Variants in SPATA31F3 observed in about 807,000 individuals in gnomAD.
SPATA31F3 encodes the protein SPATA31 subfamily F member 3, also known as protein SPATA31F3.
chr9:34,893,032 C>A, the SPATA31F3 span: 1 of 946,818 alleles, frequency 1.1e-6, no homozygotes, highest in Non-Finnish European at 1.6e-6. Flanking sequence ...TCAGGGAGAT[C>A]TGGTTGTTCT....
the SPATA31F3 span, chr9:34,893,134 C>T: frequency 4.2e-6 from 3 of 719,740 alleles, no homozygotes; most frequent in Non-Finnish European, 6.3e-6. Context: ...CACTTCCTTC[C>T]TGAGGAAGCC....
chr9:34,889,465 CAT>C, the SPATA31F3 span: 6 of 398,544 alleles, frequency 1.5e-5, no homozygotes, highest in Non-Finnish European at 2.7e-5. Flanking sequence ...GCTCCCCACA[CAT>C]GATCTTTGGT....
the SPATA31F3 span, chr9:34,893,092 G>C: frequency 5.4e-6 from 5 of 926,282 alleles, no homozygotes; most frequent in East Asian, 1.3e-4. Flanking sequence ...TGCAGATTTG[G>C]CAGCAGGGGT....
At chr9:34,890,578 A>T in the SPATA31F3 span, among the ~76,000 whole-genome samples, 2 of 152,046 alleles carry the variant, frequency 1.3e-5, no homozygotes, top group African/African-American at 4.8e-5. Context: ...TTTCAGTCCA[A>T]CCCCTTCTGG....
the SPATA31F3 span, chr9:34,892,572 G>A: frequency 2.3e-6 from 1 of 430,126 alleles, no homozygotes; most frequent in Non-Finnish European, 4.1e-6. Context: ...AGTTGGAAAG[G>A]AATGTAGGGT....
the SPATA31F3 span, among the ~76,000 whole-genome samples, chr9:34,891,518 A>G: frequency 6.6e-6 from 1 of 152,178 alleles, no homozygotes; most frequent in Non-Finnish European, 1.5e-5. Flanking sequence ...GAAGACCCAC[A>G]TAGGTCAGGG....
chr9:34,892,999 G>A, the SPATA31F3 span: 4 of 776,440 alleles, frequency 5.2e-6, no homozygotes, highest in African/African-American at 5.1e-5. Context: ...GGCAAGAGGA[G>A]CCCTGTGATG....
the SPATA31F3 span, among the ~76,000 whole-genome samples, chr9:34,893,991 T>A: frequency 6.6e-6 from 1 of 152,148 alleles, no homozygotes; most frequent in Non-Finnish European, 1.5e-5. Context: ...GAGGATAAGA[T>A]GATAGGCTGC....
the SPATA31F3 span, chr9:34,892,886 G>A: frequency 1.4e-6 from 1 of 700,066 alleles, no homozygotes; most frequent in Non-Finnish European, 2.6e-6. Context: ...CATTAATTGT[G>A]ACAGTGTTGG....
At chr9:34,895,571 T>A in the SPATA31F3 span, 1 of 398,692 alleles carries the variant, frequency 2.5e-6, no homozygotes, top group Non-Finnish European at 4.4e-6. Context: ...GTCATAGTGT[T>A]TCCCTACCCG....
chr9:34,889,365 T>C, the SPATA31F3 span: 1 of 398,626 alleles, frequency 2.5e-6, no homozygotes, highest in Non-Finnish European at 4.4e-6. Context: ...GCAGATTATT[T>C]AGGCACTGGG....
the SPATA31F3 span, among the ~76,000 whole-genome samples, chr9:34,894,819 C>T: frequency 6.6e-6 from 1 of 152,128 alleles, no homozygotes; most frequent in African/African-American, 2.4e-5. Flanking sequence ...CCTAATTCCT[C>T]ATTCTTTATT....
At chr9:34,895,664 GA>G in the SPATA31F3 span, 1 of 403,402 alleles carries the variant, frequency 2.5e-6, no homozygotes, top group Non-Finnish European at 4.4e-6. Context: ...AATGCAGATG[GA>G]TCCATAGGTG....
At chr9:34,892,271 T>C in the SPATA31F3 span, among the ~76,000 whole-genome samples, 1 of 152,116 alleles carries the variant, frequency 6.6e-6, no homozygotes. Context: ...AGTGGATCCT[T>C]CAAAAACCCT....
chr9:34,893,297 T>G, the SPATA31F3 span: 1 of 410,040 alleles, frequency 2.4e-6, no homozygotes, highest in Non-Finnish European at 4.3e-6. Flanking sequence ...CTGTTTTTCT[T>G]CCTAAGAAAA....
At chr9:34,895,478 A>AC in the SPATA31F3 span, 15 of 397,786 alleles carry the variant, frequency 3.8e-5, no homozygotes, top group Admixed American at 8.8e-5. Context: ...CAGTGAGGAG[A>AC]CCCCTTTAAA....
chr9:34,895,432 A>G, the SPATA31F3 span: 4 of 397,126 alleles, frequency 1.0e-5, no homozygotes, highest in African/African-American at 8.2e-5. Flanking sequence ...GCTGCCAACC[A>G]GAATAATCAC....
At chr9:34,889,845 G>A in the SPATA31F3 span, among the ~76,000 whole-genome samples, 1 of 152,118 alleles carries the variant, frequency 6.6e-6, no homozygotes, top group African/African-American at 2.4e-5. Context: ...AGCAAGTAAT[G>A]GCCCAGTAAG....
the SPATA31F3 span, chr9:34,895,072 C>G: frequency 2.5e-6 from 1 of 398,546 alleles, no homozygotes; most frequent in Non-Finnish European, 4.4e-6. Context: ...TTTTGTTGGA[C>G]TCTTCGGTGA....
Sources: allele counts gnomAD v4.1 joint callset (sites outside exome capture counted in the v4.1 genomes callset), GRCh38; gene constraint gnomAD v4.1.1; transcripts MANE v1.5; gene names NCBI Gene and HGNC (gene_info 2026-07-23, HGNC 2026-07-21).